CYP19A1: variants seen among roughly 807,000 people sequenced by gnomAD.
CYP19A1 encodes cytochrome P450 family 19 subfamily A member 1, also known as aromatase.
In CYP19A1, 32 loss-of-function variants were observed where a neutral mutation model predicts 44.4. That is an observed-to-expected ratio of 0.72 (90% confidence interval 0.54 to 0.97). CYP19A1 has a LOEUF of 0.97. CYP19A1 is among the 50% of genes least tolerant of loss of function. CYP19A1 has a pLI of 0.00. For synonymous variants in CYP19A1, 212 were observed against 215.6 expected, an observed-to-expected ratio of 0.98 and a Z score of 0.14; for missense variants, 598 against 637.8, an observed-to-expected ratio of 0.94 and a Z score of 0.67.
At chr15:51,240,086 A>G (rs1225845045) in intron 2 of CYP19A1, among the ~76,000 whole-genome samples, 9 of 146,708 alleles carry the variant, frequency 6.1e-5, no homozygotes, top group Admixed American at 1.4e-4. Context: ...CCTTCTCCGC[A>G]GAATGACCCT....
At chr15:51,311,817 G>T (rs1374654732) in intron 1 of CYP19A1, among the ~76,000 whole-genome samples, 2 of 152,172 alleles carry the variant, frequency 1.3e-5, no homozygotes, top group East Asian at 3.9e-4. Context: ...TCACTGACAT[G>T]TGTGAGGGCT....
At chr15:51,291,903 G>A (rs1364259936) in intron 1 of CYP19A1, among the ~76,000 whole-genome samples, 1 of 152,030 alleles carries the variant, frequency 6.6e-6, no homozygotes, top group Admixed American at 6.5e-5. Flanking sequence ...GAAGAAAGTA[G>A]AAAAAAAGGA....
At chr15:51,243,756 G>A (rs1284904030) in intron 1 of CYP19A1, among the ~76,000 whole-genome samples, 3 of 152,188 alleles carry the variant, frequency 2.0e-5, no homozygotes, top group Non-Finnish European at 2.9e-5. Context: ...AACCTCATTC[G>A]AAGAGCAGCT....
chr15:51,331,219 C>T lies in CYP19A1; in HGVS notation c.-39+7276G>A, dbSNP rs1378109150. Among the ~76,000 whole-genome samples, 4 of 152,128 alleles carry T rather than the reference C, an allele frequency of 2.6e-5. No individual in the cohort carries two copies. The East Asian group carries it at 5.8e-4, about 22-fold the overall frequency. On this transcript the variant is annotated intron_variant, in intron 1 of 9. Coordinates refer to ENST00000396402, the MANE Select transcript of CYP19A1 (RefSeq NM_000103.4). Reference sequence around the variant, plus strand: ...ATTAAATGTTCAGCAACATTTTTTCCAAATGAGAAAGACAGACCCACTCAT... The same window carrying T: ...ATTAAATGTTCAGCAACATTTTTTCTAAATGAGAAAGACAGACCCACTCAT...
At chr15:51,306,435 AT>A (rs2036217286) in intron 1 of CYP19A1, among the ~76,000 whole-genome samples, 1 of 151,972 alleles carries the variant, frequency 6.6e-6, no homozygotes, top group Non-Finnish European at 1.5e-5. Flanking sequence ...CTAGTGAATC[AT>A]TTTAATGTTT....
At chr15:51,222,753 A>C (rs980554472) in intron 4 of CYP19A1, among the ~76,000 whole-genome samples, 4 of 152,240 alleles carry the variant, frequency 2.6e-5, no homozygotes, top group African/African-American at 9.6e-5. Flanking sequence ...ATAGGGACAA[A>C]TATTATTTTA....
chr15:51,246,235 C>T (rs1165923155), intron 1 of CYP19A1, among the ~76,000 whole-genome samples: 1 of 152,092 alleles, frequency 6.6e-6, no homozygotes, highest in Non-Finnish European at 1.5e-5. Context: ...TTTACATGTC[C>T]CCTCGGCCAG....
intron 1 of CYP19A1, among the ~76,000 whole-genome samples, chr15:51,334,988 G>A (rs1257652844): frequency 6.6e-6 from 1 of 152,184 alleles, no homozygotes; most frequent in Non-Finnish European, 1.5e-5. Context: ...GGTTGGCTGA[G>A]GCTTTGCAGG....
chr15:51,336,431 G>T (rs1225207072), intron 1 of CYP19A1, among the ~76,000 whole-genome samples: 2 of 152,186 alleles, frequency 1.3e-5, no homozygotes, highest in Non-Finnish European at 2.9e-5. Context: ...TAGGAATGGG[G>T]AGTTAAAACC....
intron 1 of CYP19A1, chr15:51,278,303 C>T (rs777931848): frequency 1.6e-4 from 25 of 152,148 alleles, no homozygotes; most frequent in Non-Finnish European, 2.5e-4. Flanking sequence ...AATTACTAAT[C>T]ACAAATAGAA....
chr15:51,280,062 C>G (rs894481405), intron 1 of CYP19A1: 1 of 152,134 alleles, frequency 6.6e-6, no homozygotes, highest in African/African-American at 2.4e-5. Context: ...CATAAGAGCC[C>G]GCTCTGCTCA....
chr15:51,252,505 C>G (rs539851321), intron 1 of CYP19A1, among the ~76,000 whole-genome samples: 3 of 152,288 alleles, frequency 2.0e-5, no homozygotes, highest in South Asian at 4.2e-4. Context: ...CCCCAAATTA[C>G]AGTTGATAAT....
chr15:51,333,607 T>G (rs1051276619), intron 1 of CYP19A1, among the ~76,000 whole-genome samples: 3 of 152,114 alleles, frequency 2.0e-5, no homozygotes, highest in Admixed American at 1.3e-4. Context: ...GGAAAGGTGG[T>G]TTTAAAGGCT....
At chr15:51,219,555 C>T (rs1273960927) in intron 5 of CYP19A1, among the ~76,000 whole-genome samples, 1 of 152,208 alleles carries the variant, frequency 6.6e-6, no homozygotes, top group Non-Finnish European at 1.5e-5. Context: ...ACCATACAGC[C>T]AGTGTGGCTG....
intron 1 of CYP19A1, among the ~76,000 whole-genome samples, chr15:51,243,671 G>T (rs2033915351): frequency 6.6e-6 from 1 of 152,204 alleles, no homozygotes; most frequent in South Asian, 2.1e-4. Flanking sequence ...AGAATGAAAG[G>T]AATGGGGAAG....
At chr15:51,255,547 G>T (rs1358974723) in intron 1 of CYP19A1, 1 of 152,212 alleles carries the variant, frequency 6.6e-6, no homozygotes, top group Admixed American at 6.5e-5. Context: ...GCTCTCTGAT[G>T]TTCCACTCTT....
chr15:51,215,465 T>G (rs1357208837), intron 7 of CYP19A1, among the ~76,000 whole-genome samples: 3 of 152,242 alleles, frequency 2.0e-5, no homozygotes, highest in African/African-American at 7.2e-5. Flanking sequence ...TGTTTTCATA[T>G]TTTATACTGT....
intron 1 of CYP19A1, among the ~76,000 whole-genome samples, chr15:51,265,192 T>C (rs2034872287): frequency 6.6e-6 from 1 of 152,172 alleles, no homozygotes; most frequent in African/African-American, 2.4e-5. Flanking sequence ...CTCCACCCAG[T>C]ATAGCCTGCC....
At chr15:51,305,164 T>A (rs914063811) in intron 1 of CYP19A1, among the ~76,000 whole-genome samples, 1 of 152,154 alleles carries the variant, frequency 6.6e-6, no homozygotes, top group Non-Finnish European at 1.5e-5. Context: ...CCTCCCAAAG[T>A]GCTGGGATCA....
Sources: gnomAD v4.1 joint callset for allele counts (sites outside exome capture counted in the v4.1 genomes callset) on GRCh38, gnomAD v4.1.1 for gene constraint, MANE v1.5 for transcripts, NCBI Gene and HGNC (gene_info 2026-07-23, HGNC 2026-07-21) for gene names.